NETO2: variants seen among roughly 807,000 people sequenced by gnomAD.
NETO2 encodes the protein neuropilin and tolloid-like protein 2.
Under a neutral mutation model 62.5 loss-of-function variants are expected in NETO2, and 28 were observed. The ratio of observed to expected loss-of-function variants is 0.45; its 90% CI spans 0.33 to 0.61. The LOEUF is 0.61. Ranked by LOEUF, NETO2 falls within the 20% of genes least tolerant of loss-of-function variation. The pLI is 0.02. For missense variants in NETO2, 548 were observed against 643.2 expected, an observed-to-expected ratio of 0.85 and a Z score of 1.60; for synonymous variants, 214 against 219.1, an observed-to-expected ratio of 0.98 and a Z score of 0.21.
intron 2 of NETO2, among the ~76,000 whole-genome samples, chr16:47,129,895 C>T (rs942870111): frequency 1.3e-5 from 2 of 152,126 alleles, no homozygotes; most frequent in Non-Finnish European, 2.9e-5. Flanking sequence ...GTAGATATAG[C>T]AGTAACAACT....
intron 8 of NETO2, among the ~76,000 whole-genome samples, chr16:47,084,476 C>T (rs1010335543): frequency 6.6e-6 from 1 of 152,158 alleles, no homozygotes; most frequent in Admixed American, 6.5e-5. Flanking sequence ...ACTCGCATTA[C>T]CCGCAGCACT....
intron 6 of NETO2, among the ~76,000 whole-genome samples, chr16:47,122,273 G>A (rs1382745488): frequency 6.6e-6 from 1 of 152,122 alleles, no homozygotes; most frequent in Non-Finnish European, 1.5e-5. Flanking sequence ...GACCAACTCT[G>A]TAACTTTTGA....
chr16:47,098,088 T>G (rs1596709991), intron 7 of NETO2, among the ~76,000 whole-genome samples: 1 of 152,138 alleles, frequency 6.6e-6, no homozygotes, highest in African/African-American at 2.4e-5. Flanking sequence ...GCAAAAAGCC[T>G]GAAAATTCCA....
chr16:47,108,022 C>T (rs946564704), intron 7 of NETO2, among the ~76,000 whole-genome samples: 5 of 152,162 alleles, frequency 3.3e-5, no homozygotes, highest in South Asian at 2.1e-4. Flanking sequence ...AGTGATCTGC[C>T]GCCTCGGCCT....
At chr16:47,122,617 A>G (rs188667913) in intron 6 of NETO2, 40 bp downstream of exon 6, 91 of 1,597,644 alleles carry the variant, frequency 5.7e-5, no homozygotes, top group Admixed American at 3.5e-4. Context: ...ATGCCTTATC[A>G]TGATGTTCTT....
chr16:47,089,064 G>C (rs1434235612), intron 7 of NETO2, among the ~76,000 whole-genome samples: 1 of 152,180 alleles, frequency 6.6e-6, no homozygotes, highest in Non-Finnish European at 1.5e-5. Context: ...TTATGAACTA[G>C]GGTTCATTTA....
At chr16:47,108,588 A>G (rs181671937) in intron 7 of NETO2, among the ~76,000 whole-genome samples, 2 of 152,342 alleles carry the variant, frequency 1.3e-5, no homozygotes, top group African/African-American at 2.4e-5. Flanking sequence ...TGGACATTCT[A>G]CTAAACTGGC....
In NETO2 at chr16:47,083,055, A is replaced by G. The variant is rs1963101874; in HGVS notation, c.*166T>C. The G allele has an allele frequency of 1.6e-6, 1 of 617,508 alleles. No individual in the cohort carries two copies. The highest frequency in any genetic ancestry group is 2.8e-5 in the East Asian group (1 of 36,246). 38.3% of individuals were successfully genotyped at this position (617,508 alleles called of 1,614,324 possible). On this transcript the variant is annotated 3_prime_UTR_variant, in exon 9 of 9. Transcript: ENST00000562435. ...AAGTTCCTTGATTGGTTTAACATAT[A>G]TAGACTGCCTGAGAGAATAAAAACA...
chr16:47,141,086 A>G (rs1301652199), intron 1 of NETO2, among the ~76,000 whole-genome samples: 2 of 152,246 alleles, frequency 1.3e-5, no homozygotes, highest in Non-Finnish European at 2.9e-5. Context: ...TTAAAAGCCT[A>G]GTAAGGTTAT....
chr16:47,083,385 T>C lies in NETO2; in HGVS notation c.1414A>G (p.Lys472Glu). The C allele has an allele frequency of 1.9e-6, 3 of 1,614,236 alleles. 1 individual carries two copies. Among genetic ancestry groups the C allele is most frequent in the South Asian group, 2.2e-5 (2 of 91,090 alleles). The change falls in exon 9 of 9, where the codon AAA (lysine) becomes GAA (glutamate). Residue 472 changes from lysine (K) to glutamate (E), a missense_variant. Physicochemically the swap from Lys to Glu is moderately conservative, Grantham distance 56. Coordinates refer to ENST00000562435, the MANE Select transcript of NETO2 (RefSeq NM_018092.5). The stretch of plus-strand genomic sequence containing the variant: ...TTCTTGAAGGTGCTATTAAATGTTT[T>C]CATTGGCTGTGGTTGTGCAAAGTCA... ...RNDFAQPQPM[K>E]TFNSTFKKSS...
chr16:47,106,359 A>G (rs1299845280), intron 7 of NETO2, among the ~76,000 whole-genome samples: 1 of 152,170 alleles, frequency 6.6e-6, no homozygotes, highest in African/African-American at 2.4e-5. Context: ...GGATGATAAA[A>G]ATGCTCTAAA....
intron 7 of NETO2, among the ~76,000 whole-genome samples, chr16:47,091,766 A>G (rs898467507): frequency 6.6e-6 from 1 of 152,224 alleles, no homozygotes; most frequent in Non-Finnish European, 1.5e-5. Flanking sequence ...CTATGTGACC[A>G]GACTCTGATA....
chr16:47,082,490 A>G lies in NETO2; in HGVS notation c.*731T>C, dbSNP rs1226774181. On this transcript the variant is annotated 3_prime_UTR_variant, in exon 9 of 9. Coordinates refer to ENST00000562435, the MANE Select transcript of NETO2 (RefSeq NM_018092.5). Reference sequence around the variant, plus strand: ...TTAGTCATAGCTGACAATGGTACATATATCCCAGGATTATGAAATTTTCTA... The same window carrying G: ...TTAGTCATAGCTGACAATGGTACATGTATCCCAGGATTATGAAATTTTCTA... 6.6e-6 allele frequency: 1 copy of G among 152,252 alleles called. No individual in the cohort carries two copies. The highest frequency in any genetic ancestry group is 1.5e-5 in the Non-Finnish European group (1 of 68,034). The allele number at this position is 152,252 out of a possible 1,614,324, so 9.4% of individuals were successfully genotyped here.
chr16:47,103,003 T>C (rs899175480), intron 7 of NETO2, among the ~76,000 whole-genome samples: 5 of 152,176 alleles, frequency 3.3e-5, no homozygotes, highest in African/African-American at 1.2e-4. Flanking sequence ...ATGTTTATTG[T>C]AGCACTATTC....
At chr16:47,098,104 C>T (rs1275091379) in intron 7 of NETO2, among the ~76,000 whole-genome samples, 1 of 152,014 alleles carries the variant, frequency 6.6e-6, no homozygotes, top group Non-Finnish European at 1.5e-5. Context: ...TTCCAAAAAC[C>T]AGAACTCCTC....
intron 6 of NETO2, among the ~76,000 whole-genome samples, chr16:47,111,399 ATAAT>A (rs1309278156): frequency 6.6e-6 from 1 of 152,278 alleles, no homozygotes; most frequent in African/African-American, 2.4e-5. Flanking sequence ...TTAAAGATAA[ATAAT>A]AACAAGATCA....
At chr16:47,141,307 T>G (rs529418660) in intron 1 of NETO2, among the ~76,000 whole-genome samples, 10 of 152,358 alleles carry the variant, frequency 6.6e-5, no homozygotes, top group African/African-American at 2.4e-4. Flanking sequence ...CTCTTTGATG[T>G]TAAAGCAATT....
chr16:47,094,356 G>A (rs902775944), intron 7 of NETO2, among the ~76,000 whole-genome samples: 5 of 151,364 alleles, frequency 3.3e-5, no homozygotes, highest in African/African-American at 1.2e-4. Flanking sequence ...GTTTTTCCTG[G>A]TGGGAATGTA....
chr16:47,130,834 C>T (rs1367755790), intron 2 of NETO2, among the ~76,000 whole-genome samples: 1 of 152,104 alleles, frequency 6.6e-6, no homozygotes, highest in Non-Finnish European at 1.5e-5. Flanking sequence ...AGAGTTGCTT[C>T]AGAGACTGTA....
Sources: gnomAD v4.1 joint callset for allele counts (sites outside exome capture counted in the v4.1 genomes callset) on GRCh38, gnomAD v4.1.1 for gene constraint, MANE v1.5 for transcripts, NCBI Gene and HGNC (gene_info 2026-07-23, HGNC 2026-07-21) for gene names.